Variants in LRRC63 observed in about 807,000 individuals in gnomAD.
The protein encoded by LRRC63 is leucine rich repeat containing 63, also known as leucine-rich repeat-containing protein 63.
A neutral mutation model predicts 49.5 loss-of-function variants in LRRC63; 40 were observed. The ratio of observed to expected loss-of-function variants is 0.81; its 90% CI spans 0.63 to 1.05. The LOEUF is 1.05. Ranked by LOEUF, LRRC63 falls within the 50% of genes least tolerant of loss-of-function variation. The pLI is 0.00. For synonymous variants in LRRC63, 191 were observed against 221.1 expected, an observed-to-expected ratio of 0.86 and a Z score of 1.21; for missense variants, 636 against 663.1, an observed-to-expected ratio of 0.96 and a Z score of 0.45.
intron 2 of LRRC63, among the ~76,000 whole-genome samples, chr13:46,213,886 T>A (rs2046169178): frequency 6.6e-6 from 1 of 152,176 alleles, no homozygotes; most frequent in African/African-American, 2.4e-5. Context: ...CTACTGCAAA[T>A]AACAAGGACC....
intron 7 of LRRC63, among the ~76,000 whole-genome samples, chr13:46,253,164 G>T (rs924323646): frequency 6.6e-6 from 1 of 151,624 alleles, no homozygotes; most frequent in African/African-American, 2.4e-5. Flanking sequence ...AGTAAAACCT[G>T]CAAGATCTAG....
rs188547622 is a variant in LRRC63, at chr13:46,249,108, A to G, written c.1090-1247A>G. 2.6e-3 allele frequency among the ~76,000 whole-genome samples: 396 copies of G among 151,942 alleles called. 1 individual carries two copies. The highest frequency in any genetic ancestry group is 9.3e-3 in the African/African-American group (387 of 41,530). ...TTTAGATAAATGAAAATGAAAACAC[A>G]ACATACCAAAATTTCTGAGATGCAT... On this transcript the variant is annotated intron_variant, in intron 6 of 9. Transcript: ENST00000595396.
intron 9 of LRRC63, chr13:46,270,622 A>C (rs2047744366): frequency 1.2e-6 from 1 of 846,312 alleles, no homozygotes; most frequent in African/African-American, 1.7e-5. Flanking sequence ...TGACGTCATG[A>C]GGACTGACAT....
In LRRC63 at chr13:46,264,400, C is replaced by G. The variant is rs542208464; in HGVS notation, c.1311-2333C>G. On this transcript the variant is annotated intron_variant, in intron 8 of 9. Transcript: ENST00000595396. ...TCTCCTAGATCTGTCTTCCATGGTA[C>G]CTAGATTTTTCCTCATGGTTTTTAT... 2.0e-5 allele frequency among the ~76,000 whole-genome samples: 3 copies of G among 152,060 alleles called. No individual in the cohort carries two copies. The East Asian group carries it at 5.8e-4, about 29-fold the overall frequency.
rs977619445 is a variant in LRRC63, at chr13:46,268,956, A to C, written c.1550+1984A>C. Among the ~76,000 whole-genome samples the C allele has an allele frequency of 1.6e-4, 24 of 147,836 alleles. No individual in the cohort carries two copies. The East Asian group carries it at 4.2e-3, about 26-fold the overall frequency. The stretch of plus-strand genomic sequence containing the variant: ...AACAAACCTAATGTAGGAATATATT[A>C]AGTGAAAAATGTGCAAAACATTTAT... On this transcript the variant is annotated intron_variant, in intron 9 of 9. Transcript: ENST00000595396.
At chr13:46,239,627 A>C (rs777236764) in intron 5 of LRRC63, among the ~76,000 whole-genome samples, 3 of 152,192 alleles carry the variant, frequency 2.0e-5, no homozygotes, top group African/African-American at 7.2e-5. Context: ...GCTCCTCCCT[A>C]ACTGATTCAG....
chr13:46,222,898 C>G (rs111727189), intron 2 of LRRC63, among the ~76,000 whole-genome samples: 1 of 151,998 alleles, frequency 6.6e-6, no homozygotes, highest in Admixed American at 6.6e-5. Flanking sequence ...AGGATGAGTT[C>G]GTGTCCTTTG....
intron 2 of LRRC63, among the ~76,000 whole-genome samples, chr13:46,214,278 A>G (rs1019074077): frequency 5.3e-5 from 8 of 152,216 alleles, no homozygotes; most frequent in African/African-American, 1.9e-4. Flanking sequence ...GGCTATTAAC[A>G]GTAGGTAACT....
At chr13:46,247,687 G>C (rs1003444135) in intron 6 of LRRC63, among the ~76,000 whole-genome samples, 1 of 152,068 alleles carries the variant, frequency 6.6e-6, no homozygotes, top group Admixed American at 6.6e-5. Flanking sequence ...TGGCATAAAG[G>C]CAATGAATAA....
chr13:46,270,218 A>G (rs2047737589), intron 9 of LRRC63: 3 of 858,382 alleles, frequency 3.5e-6, no homozygotes, highest in South Asian at 1.3e-5. Context: ...AATATGTGTC[A>G]TCACATTGGC....
At chr13:46,225,246 C>T (rs1341996596) in intron 2 of LRRC63, among the ~76,000 whole-genome samples, 2 of 152,212 alleles carry the variant, frequency 1.3e-5, no homozygotes, top group Admixed American at 6.5e-5. Flanking sequence ...CTCTCTGCAG[C>T]AGCAGTGCTA....
intron 4 of LRRC63, among the ~76,000 whole-genome samples, chr13:46,229,737 G>A (rs2046689351): frequency 6.6e-6 from 1 of 152,210 alleles, no homozygotes. Flanking sequence ...CTGGAACATA[G>A]TGAGACTCAG....
chr13:46,226,833 A>G (rs2046591523), intron 2 of LRRC63, among the ~76,000 whole-genome samples: 1 of 152,190 alleles, frequency 6.6e-6, no homozygotes, highest in Non-Finnish European at 1.5e-5. Context: ...TTATCTCCTC[A>G]TTTGAATGTA....
rs1236487853 is a variant in LRRC63, at chr13:46,266,748, GACTGTTGATGGGAATGA to G, written c.1331_1347del (p.Val444GlufsTer11). On this transcript the variant is annotated frameshift_variant, in exon 9 of 10. Coordinates refer to ENST00000595396, the Ensembl canonical transcript of LRRC63. LOFTEE classifies it high-confidence loss of function. ...TTATTTACAGATCACTTGAAAAACTGACTGTTGATGGGAATGAACTGAGTTTTTTCCCCCATGGAATT... is the reference window on the plus strand; with the variant it reads ...TTATTTACAGATCACTTGAAAAACTGACTGAGTTTTTTCCCCCATGGAATT... 10 of 1,543,416 alleles carry G rather than the reference GACTGTTGATGGGAATGA, an allele frequency of 6.5e-6. No individual in the cohort carries two copies. In the Admixed American group the frequency reaches 2.0e-4, roughly 31 times the overall value.
At chr13:46,237,905 A>G (rs1212128194) in intron 5 of LRRC63, among the ~76,000 whole-genome samples, 1 of 152,214 alleles carries the variant, frequency 6.6e-6, no homozygotes, top group African/African-American at 2.4e-5. Context: ...AACAAAAAAA[A>G]TCCGAGCAGA....
exon 3 of LRRC63, chr13:46,227,558 T>A: frequency 6.5e-7 from 1 of 1,546,566 alleles, no homozygotes; most frequent in Non-Finnish European, 8.7e-7. Context: ...TCACTGAAGA[T>A]GAAACCACTT....
At chr13:46,225,032 T>C (rs2046528800) in intron 2 of LRRC63, among the ~76,000 whole-genome samples, 1 of 152,150 alleles carries the variant, frequency 6.6e-6, no homozygotes, top group Admixed American at 6.5e-5. Flanking sequence ...CCTTAGGTGG[T>C]TTGCATGGAT....
At chr13:46,276,475 G>A (rs2047838855) in intron 9 of LRRC63, 115 bp from the exon 10 acceptor site, 1 of 440,856 alleles carries the variant, frequency 2.3e-6, no homozygotes. Context: ...CACTCACCTA[G>A]CTGGTAAGCT....
At chr13:46,228,100 C>T (rs1252483170) in exon 3 of LRRC63, 2 of 1,550,694 alleles carry the variant, frequency 1.3e-6, no homozygotes, top group Non-Finnish European at 1.7e-6. Context: ...TCAACTGCTA[C>T]ATTGACACTA....
Sources: gnomAD v4.1 joint callset for allele counts (sites outside exome capture counted in the v4.1 genomes callset) on GRCh38, gnomAD v4.1.1 for gene constraint, MANE v1.5 for transcripts, NCBI Gene and HGNC (gene_info 2026-07-23, HGNC 2026-07-21) for gene names.